The following C2CD2 variants were observed in gnomAD, a reference collection of about 807,000 sequenced individuals.
The protein encoded by C2CD2 is C2 domain-containing protein 2.
Under a neutral mutation model 74.3 loss-of-function variants are expected in C2CD2, and 43 were observed. That is an observed-to-expected ratio of 0.58 (90% CI 0.45 to 0.75). C2CD2 has a LOEUF of 0.75. Ranked by LOEUF, C2CD2 falls within the 30% of genes least tolerant of loss-of-function variation. The pLI, the probability that C2CD2 is intolerant of heterozygous loss-of-function variation, is 0.00. For synonymous variants in C2CD2, 422 were observed against 390.7 expected, an observed-to-expected ratio of 1.08 and a Z score of -0.94; for missense variants, 801 against 916.3, an observed-to-expected ratio of 0.87 and a Z score of 1.63.
intron 12 of C2CD2, chr21:41,900,951 G>A (rs1431721210): frequency 1.3e-5 from 2 of 152,328 alleles, no homozygotes; most frequent in Non-Finnish European, 2.9e-5. Flanking sequence ...ACAAAAATTA[G>A]CCAGTCTCAT....
Position 41,898,229 on chromosome 21 carries a change from T to C in C2CD2, c.1870+824A>G, listed in dbSNP as rs3827221. ...CTTCACCTGAGCTCACGGCTTGGCC[T>C]GCCTTGCCCCCAGTCCTGTCTTCTG... On this transcript the variant is annotated intron_variant, in intron 13 of 13. Coordinates refer to ENST00000380486, the MANE Select transcript of C2CD2 (RefSeq NM_015500.2). Among the ~76,000 whole-genome samples the C allele has an allele frequency of 1.1e-4, 16 of 152,356 alleles. No individual in the cohort carries two copies. The East Asian group carries it at 1.7e-3, about 17-fold the overall frequency.
Position 41,889,154 on chromosome 21 carries a change from C to T in C2CD2, c.2061G>A (p.Met687Ile), listed in dbSNP as rs765056633. Reference protein sequence around the residue: ...LLSRHRNKNTMNGAPVEPCT With the variant: ...LLSRHRNKNTINGAPVEPCT The stretch of plus-strand genomic sequence containing the variant: ...TGCAGGGCTCCACGGGGGCACCGTT[C>T]ATGGTGTTCTTGTTTCTGTGCCTGG... The change falls in exon 14 of 14, where the codon ATG (methionine) becomes ATA (isoleucine). Residue 687 changes from methionine to isoleucine, a missense_variant. Coordinates refer to ENST00000380486, the MANE Select transcript of C2CD2 (RefSeq NM_015500.2). The T allele has an allele frequency of 6.2e-7, 1 of 1,612,466 alleles. No individual in the cohort carries two copies. The highest frequency in any genetic ancestry group is 8.5e-7 in the Non-Finnish European group (1 of 1,180,016).
chr21:41,923,674 A>G lies in C2CD2; in HGVS notation c.379-1589T>C, dbSNP rs1159158857. Among the ~76,000 whole-genome samples the G allele has an allele frequency of 2.0e-5, 3 of 152,242 alleles. No individual in the cohort carries two copies. Among genetic ancestry groups the G allele is most frequent in the Admixed American group, 1.3e-4 (2 of 15,286 alleles). ...AAGATAATAACCTCAGGAATAAACC[A>G]AACTGTGGTTTCCTGACATAAATCA... On this transcript the variant is annotated intron_variant, in intron 2 of 13. Transcript: ENST00000380486. The surrounding 1 kb of genome is among the most constrained non-coding windows in gnomAD (Gnocchi z 5.8).
rs375977857 is a variant in C2CD2, at chr21:41,901,744, A to G, written c.1438T>C (p.Leu480=). 3 of 1,613,880 alleles carry G rather than the reference A, an allele frequency of 1.9e-6. No homozygotes were observed. The African/African-American group carries it at 4.0e-5, about 22-fold the overall frequency. The change falls in exon 12 of 14, where the codon TTG becomes CTG. Residue 480 remains leucine, a synonymous_variant. Transcript: ENST00000380486. The part of the protein sequence containing the change: ...KTLSSSDTEL[L]VLNGSDPVAE... ...ACTGGATCCGAACCATTCAACACCA[A>G]CAATTCTACCAGAAGGAAGGCAGTG...
At chr21:41,911,797 C>T (rs990948378) in intron 7 of C2CD2, among the ~76,000 whole-genome samples, 4 of 152,022 alleles carry the variant, frequency 2.6e-5, no homozygotes, top group Non-Finnish European at 5.9e-5. Context: ...CTCAAGCAAT[C>T]CTCCTGCGTC....
intron 6 of C2CD2, among the ~76,000 whole-genome samples, chr21:41,913,518 C>A (rs1002227414): frequency 2.0e-5 from 3 of 152,184 alleles, no homozygotes; most frequent in Non-Finnish European, 4.4e-5. Context: ...GGACCCCAAC[C>A]CTGACCGACC....
At position 41,918,187 on chromosome 21, in the gene C2CD2, T is replaced by G; in HGVS notation, c.638A>C (p.Lys213Thr). The change falls in exon 5 of 14, where the codon AAG becomes ACG. Residue 213 changes from lysine to threonine, a missense_variant. Coordinates refer to ENST00000380486, the MANE Select transcript of C2CD2 (RefSeq NM_015500.2). ...AETSAMSDVL[K>T]DILKHLAGSA... is the part of the protein sequence containing the mutation. The stretch of plus-strand genomic sequence containing the variant: ...ACCAGCCAAATGCTTCAAGATGTCC[T>G]TGAGAACGTCAGACATCGCACTTGT... The G allele has an allele frequency of 1.2e-6, 2 of 1,614,012 alleles. No individual in the cohort carries two copies. Among genetic ancestry groups the G allele is most frequent in the Non-Finnish European group, 1.7e-6 (2 of 1,179,880 alleles).
chr21:41,944,688 C>T (rs1339191533), intron 1 of C2CD2, among the ~76,000 whole-genome samples: 1 of 152,124 alleles, frequency 6.6e-6, no homozygotes, highest in Admixed American at 6.6e-5. Context: ...CCACACACAA[C>T]CACAAATTCA....
Position 41,929,786 on chromosome 21 carries a change from G to T in C2CD2, c.379-7701C>A, listed in dbSNP as rs2065247330. Among the ~76,000 whole-genome samples, 1 of 152,222 alleles carries T rather than the reference G, an allele frequency of 6.6e-6. No individual in the cohort carries two copies. Among genetic ancestry groups the T allele is most frequent in the Non-Finnish European group, 1.5e-5 (1 of 68,040 alleles). On this transcript the variant is annotated intron_variant, in intron 2 of 13. Transcript: ENST00000380486. The surrounding 1 kb of genome is among the most constrained non-coding windows in gnomAD (Gnocchi z 4.6). ...TCATCAGCAAGTTTTCCAAATGAAA[G>T]TTACGTTGAAAGCCACAGTTACCAT...
intron 6 of C2CD2, among the ~76,000 whole-genome samples, chr21:41,912,899 T>A (rs2065044991): frequency 6.6e-6 from 1 of 152,266 alleles, no homozygotes; most frequent in Admixed American, 6.5e-5. Context: ...AATTCTTGCA[T>A]CTGCCATTTT....
intron 2 of C2CD2, among the ~76,000 whole-genome samples, chr21:41,941,302 A>G (rs970999940): frequency 6.6e-6 from 1 of 152,204 alleles, no homozygotes; most frequent in Non-Finnish European, 1.5e-5. Flanking sequence ...TTGAGGGTAC[A>G]GTAAGCTGAT....
At chr21:41,943,593 C>T (rs999394480) in intron 1 of C2CD2, among the ~76,000 whole-genome samples, 7 of 152,156 alleles carry the variant, frequency 4.6e-5, no homozygotes, top group African/African-American at 1.2e-4. Flanking sequence ...TCATCTCCAC[C>T]GTGGTGAGCT....
rs372668290 is a variant in C2CD2 at position 41,922,056 on chromosome 21, A to G, written c.408T>C (p.Ala136=). The G allele has an allele frequency of 1.2e-5, 20 of 1,613,798 alleles. No individual in the cohort carries two copies. In the African/African-American group the frequency reaches 2.0e-4, roughly 16 times the overall value. The change falls in exon 3 of 14, where the codon GCT becomes GCC. Residue 136 remains alanine, a synonymous_variant. Transcript: ENST00000380486. ...GCGTCTCGCTGACCAAGAACTGAAT[A>G]GCCTGGCCCACCACGTGACAGACCA... is the stretch of plus-strand genomic sequence containing the variant. ...KVVVCHVVGQ[A]IQFLVSETPA...
chr21:41,935,683 C>T (rs2065300882), intron 2 of C2CD2, among the ~76,000 whole-genome samples: 1 of 152,130 alleles, frequency 6.6e-6, no homozygotes, highest in Admixed American at 6.5e-5. Context: ...GAAACCCCGT[C>T]TCTACTAAAA....
At chr21:41,912,761 T>C (rs553516267) in intron 6 of C2CD2, among the ~76,000 whole-genome samples, 6 of 152,292 alleles carry the variant, frequency 3.9e-5, no homozygotes, top group African/African-American at 1.4e-4. Context: ...AGTGCTGGGA[T>C]TACAGGCATG....
At chr21:41,907,828 C>T (rs148541398) in intron 8 of C2CD2, 44 bp from the exon 9 acceptor site, 33 of 1,612,740 alleles carry the variant, frequency 2.0e-5, no homozygotes, top group African/African-American at 1.5e-4. Flanking sequence ...TGATGTTTCC[C>T]GGGCTTCCGT....
intron 2 of C2CD2, 115 bp downstream of exon 2, chr21:41,942,032 T>G: frequency 7.3e-7 from 1 of 1,375,140 alleles, no homozygotes; most frequent in Non-Finnish European, 9.7e-7. Flanking sequence ...ATGGTTGTTT[T>G]GATTTTTTTC....
intron 1 of C2CD2, among the ~76,000 whole-genome samples, chr21:41,944,208 T>A (rs1459188675): frequency 2.0e-5 from 3 of 152,192 alleles, no homozygotes; most frequent in Non-Finnish European, 2.9e-5. Context: ...ACCTTCTGAA[T>A]TCAAACCTTG....
intron 2 of C2CD2, among the ~76,000 whole-genome samples, chr21:41,932,305 C>T (rs1463640757): frequency 2.0e-5 from 3 of 149,970 alleles, no homozygotes; most frequent in South Asian, 2.1e-4. Context: ...AGCATCCCTT[C>T]GATGTGGCCG....
Sources: allele counts gnomAD v4.1 joint callset (sites outside exome capture counted in the v4.1 genomes callset), GRCh38; gene constraint gnomAD v4.1.1; non-coding constraint Gnocchi (gnomAD v3.1); transcripts MANE v1.5; gene names NCBI Gene and HGNC (gene_info 2026-07-23, HGNC 2026-07-21).